Variants in CFAP52 observed in about 807,000 individuals in gnomAD.
CFAP52 encodes the protein cilia and flagella associated protein 52, also known as cilia- and flagella-associated protein 52.
In CFAP52, 57 loss-of-function variants were observed where a neutral mutation model predicts 70.5. The ratio of observed to expected loss-of-function variants is 0.81; its 90% confidence interval spans 0.65 to 1.01. The LOEUF (loss-of-function observed/expected upper bound fraction) is 1.01. Ranked by LOEUF, CFAP52 falls within the 50% of genes least tolerant of loss-of-function variation. CFAP52 has a pLI of 0.00. For missense variants in CFAP52, 785 were observed against 788.5 expected (o/e 1.00, Z 0.05); for synonymous variants, 267 against 292.5 (o/e 0.91, Z 0.89).
At chr17:9,595,836 G>A (rs984846564) in intron 4 of CFAP52, among the ~76,000 whole-genome samples, 2 of 150,474 alleles carry the variant, frequency 1.3e-5, no homozygotes, top group African/African-American at 4.9e-5. Context: ...TGTCCTGCAA[G>A]TTTAAGTATT....
chr17:9,642,526 A>G (rs962395636), intron 13 of CFAP52, among the ~76,000 whole-genome samples: 9 of 152,216 alleles, frequency 5.9e-5, no homozygotes, highest in African/African-American at 2.2e-4. Flanking sequence ...TGGGAGGCTG[A>G]GACAGGAGAA....
At chr17:9,608,303 G>A (rs1294584544) in intron 7 of CFAP52, 84 bp downstream of exon 7, 16 of 1,126,710 alleles carry the variant, frequency 1.4e-5, no homozygotes, top group East Asian at 5.2e-5. Context: ...CGATGATATC[G>A]GCAAAGTGAT....
intron 1 of CFAP52, chr17:9,584,443 A>T: frequency 8.8e-7 from 1 of 1,139,382 alleles, no homozygotes; most frequent in Non-Finnish European, 1.1e-6. Context: ...TACTTGACAT[A>T]TTAAGGTTGT....
chr17:9,631,024 A>G (rs199856158), intron 9 of CFAP52, among the ~76,000 whole-genome samples: 1,743 of 29,542 alleles, frequency 0.059, 98 homozygotes, highest in East Asian at 0.32. Flanking sequence ...GAAAGAAAGA[A>G]AGAAAGAGAG....
intron 8 of CFAP52, among the ~76,000 whole-genome samples, chr17:9,625,088 T>C (rs1369329928): frequency 2.0e-5 from 3 of 152,114 alleles, no homozygotes; most frequent in Non-Finnish European, 4.4e-5. Context: ...CTGAGCTCAG[T>C]TGGGGAATGT....
At chr17:9,587,929 T>C (rs940055508) in intron 3 of CFAP52, among the ~76,000 whole-genome samples, 4 of 152,192 alleles carry the variant, frequency 2.6e-5, no homozygotes, top group African/African-American at 7.2e-5. Context: ...GTTTTCAAAG[T>C]TGGCTGCATG....
intron 1 of CFAP52, among the ~76,000 whole-genome samples, chr17:9,582,193 G>A (rs1360885767): frequency 3.3e-5 from 5 of 152,090 alleles, no homozygotes; most frequent in Non-Finnish European, 7.3e-5. Context: ...TGGGTCCTGG[G>A]GCATGTGCGC....
At chr17:9,637,929 G>A (rs962922235) in intron 11 of CFAP52, among the ~76,000 whole-genome samples, 6 of 152,122 alleles carry the variant, frequency 3.9e-5, no homozygotes, top group African/African-American at 1.4e-4. Flanking sequence ...TTCAGTTGCG[G>A]GAGGCCAGCT....
At chr17:9,631,054 G>GAGAA (rs1567634950) in intron 9 of CFAP52, among the ~76,000 whole-genome samples, 2 of 103,708 alleles carry the variant, frequency 1.9e-5, no homozygotes, top group African/African-American at 8.3e-5. Context: ...GAGAGAGAGA[G>GAGAA]AAAGAAAGAA....
At chr17:9,630,572 G>C (rs1597792745) in intron 9 of CFAP52, among the ~76,000 whole-genome samples, 1 of 149,800 alleles carries the variant, frequency 6.7e-6, no homozygotes, top group East Asian at 2.1e-4. Flanking sequence ...TGGGACTACA[G>C]GCGCCCGCTA....
intron 3 of CFAP52, 31 bp from the exon 4 acceptor site, chr17:9,594,162 T>A: frequency 1.5e-6 from 1 of 668,406 alleles, no homozygotes; most frequent in Non-Finnish European, 2.1e-6. Flanking sequence ...TCTCTTTGAC[T>A]TTTTTTTTTT....
intron 8 of CFAP52, among the ~76,000 whole-genome samples, chr17:9,613,370 A>C (rs2151942580): frequency 6.6e-6 from 1 of 151,994 alleles, no homozygotes; most frequent in South Asian, 2.1e-4. Flanking sequence ...GGTGAGATTC[A>C]TTTCATGAAG....
intron 1 of CFAP52, 102 bp from the exon 2 acceptor site, chr17:9,585,671 A>G: frequency 1.5e-6 from 1 of 681,484 alleles, no homozygotes; most frequent in South Asian, 2.7e-5. Flanking sequence ...AGACTCTGTC[A>G]CACACACACA....
At chr17:9,633,534 A>G (rs1418178792) in intron 10 of CFAP52, among the ~76,000 whole-genome samples, 1 of 152,088 alleles carries the variant, frequency 6.6e-6, no homozygotes, top group Non-Finnish European at 1.5e-5. Flanking sequence ...ACATTTGTAC[A>G]CAGAAAGGAC....
intron 12 of CFAP52, chr17:9,639,014 G>A (rs1910935092): frequency 6.5e-6 from 2 of 305,656 alleles, no homozygotes; most frequent in East Asian, 1.3e-4. Flanking sequence ...TTATTATTAG[G>A]GAATTTCTGA....
At chr17:9,629,931 G>C (rs1421296685) in intron 9 of CFAP52, among the ~76,000 whole-genome samples, 1 of 151,708 alleles carries the variant, frequency 6.6e-6, no homozygotes, top group African/African-American at 2.4e-5. Context: ...CTCCTTGTTA[G>C]CGTCCCTACC....
At position 9,638,610 on chromosome 17, in the gene CFAP52, C is replaced by A. The variant is rs144465881; in HGVS notation, c.1474C>A (p.Arg492Ser). 6 of 1,613,620 alleles carry A rather than the reference C, an allele frequency of 3.7e-6. No individual in the cohort carries two copies. The African/African-American group carries it at 6.7e-5, about 18-fold the overall frequency. ...DGTCIIWDLV[R>S]LRRNQMILAN... ...ACAGCTTTTGAATCTACTTTCCAGG[C>A]GTCTCAGGAGGAATCAGATGATACT... Residue 492 changes from arginine (R) to serine (S), a missense_variant and splice_region_variant, in exon 12 of 14, where the codon CGT becomes AGT. Coordinates refer to ENST00000352665, the MANE Select transcript of CFAP52 (RefSeq NM_145054.5).
At chr17:9,634,008 T>A (rs1910668274) in intron 10 of CFAP52, among the ~76,000 whole-genome samples, 1 of 152,060 alleles carries the variant, frequency 6.6e-6, no homozygotes, top group Non-Finnish European at 1.5e-5. Flanking sequence ...CAGGTGATGG[T>A]TTTAGCATCA....
In CFAP52 at chr17:9,594,337, C is replaced by T. The variant is rs761529529; in HGVS notation, c.536+16C>T. On this transcript the variant is annotated intron_variant, in intron 4 of 13. Coordinates refer to ENST00000352665, the MANE Select transcript of CFAP52 (RefSeq NM_145054.5). The stretch of plus-strand genomic sequence containing the variant: ...CTGCTGGAAAGTATGTGTCTGCGTT[C>T]GGAGTTTTCAGAACTCATAAATTGC... The T allele has an allele frequency of 1.5e-5, 24 of 1,607,142 alleles. No individual in the cohort carries two copies. The highest frequency in any genetic ancestry group is 2.7e-5 in the African/African-American group (2 of 74,522).
Sources: gnomAD v4.1 joint callset for allele counts (sites outside exome capture counted in the v4.1 genomes callset) on GRCh38, gnomAD v4.1.1 for gene constraint, MANE v1.5 for transcripts, NCBI Gene and HGNC (gene_info 2026-07-23, HGNC 2026-07-21) for gene names.